Variants in PTPRD observed in about 807,000 individuals in gnomAD.
PTPRD encodes the protein protein tyrosine phosphatase receptor type D.
In PTPRD, 34 loss-of-function variants were observed where a neutral mutation model predicts 214.5. That is an observed-to-expected ratio of 0.16 (90% CI 0.12 to 0.21). The LOEUF is 0.21. PTPRD is among the 10% of genes least tolerant of loss of function. The pLI, the probability that PTPRD is intolerant of heterozygous loss-of-function variation, is 1.00. For synonymous variants in PTPRD, 1,128 were observed against 845.7 expected (o/e 1.33, Z -5.79); for missense variants, 2,545 against 2,398.7 (o/e 1.06, Z -1.27).
intron 3 of PTPRD, among the ~76,000 whole-genome samples, chr9:10,235,621 T>TG (rs2099626479): frequency 6.6e-6 from 1 of 152,022 alleles, no homozygotes; most frequent in African/African-American, 2.4e-5. Context: ...CCAGCTGGTC[T>TG]GGTAGTCAAC....
At chr9:9,696,210 T>C (rs1595460396) in intron 7 of PTPRD, among the ~76,000 whole-genome samples, 2 of 152,190 alleles carry the variant, frequency 1.3e-5, no homozygotes, top group Non-Finnish European at 2.9e-5. Context: ...AAGAATAATT[T>C]TGTAGCCTAA....
intron 32 of PTPRD, among the ~76,000 whole-genome samples, chr9:8,463,401 T>C (rs1466803800): frequency 6.6e-6 from 1 of 151,742 alleles, no homozygotes; most frequent in Non-Finnish European, 1.5e-5. Context: ...GAAACATGAT[T>C]TTTTATATAA....
intron 11 of PTPRD, among the ~76,000 whole-genome samples, chr9:8,927,323 T>C (rs1433749322): frequency 6.6e-6 from 1 of 152,098 alleles, no homozygotes; most frequent in Non-Finnish European, 1.5e-5. Context: ...GCTGCACCCA[T>C]CAACCCATCA....
At chr9:9,136,383 T>A (rs1435606081) in intron 10 of PTPRD, among the ~76,000 whole-genome samples, 1 of 152,142 alleles carries the variant, frequency 6.6e-6, no homozygotes, top group Non-Finnish European at 1.5e-5. Context: ...ATGTTAATTT[T>A]TAAAAGCTGT....
At chr9:10,593,186 C>A (rs1418308952) in intron 2 of PTPRD, among the ~76,000 whole-genome samples, 1 of 151,958 alleles carries the variant, frequency 6.6e-6, no homozygotes, top group Admixed American at 6.6e-5. Context: ...AGCAGTGCCT[C>A]TTAAACCATA....
At chr9:9,628,333 C>T (rs1202079967) in intron 7 of PTPRD, among the ~76,000 whole-genome samples, 1 of 152,174 alleles carries the variant, frequency 6.6e-6, no homozygotes, top group East Asian at 1.9e-4. Context: ...CTACCAGCAG[C>T]TCAAAATCAG....
At chr9:9,437,788 C>T (rs953367047) in intron 8 of PTPRD, among the ~76,000 whole-genome samples, 1 of 152,078 alleles carries the variant, frequency 6.6e-6, no homozygotes, top group Non-Finnish European at 1.5e-5. Context: ...ACAGTTAACC[C>T]GAGGGGATAT....
At chr9:9,782,156 T>G (rs1339358192) in intron 5 of PTPRD, among the ~76,000 whole-genome samples, 1 of 152,134 alleles carries the variant, frequency 6.6e-6, no homozygotes, top group Non-Finnish European at 1.5e-5. Flanking sequence ...GCTTGGTTTC[T>G]TTTTCCAGAA....
chr9:10,087,708 C>T (rs2098369432), intron 3 of PTPRD, among the ~76,000 whole-genome samples: 1 of 151,668 alleles, frequency 6.6e-6, no homozygotes, highest in African/African-American at 2.4e-5. Flanking sequence ...TGTTTTATAA[C>T]TGAATATACT....
chr9:10,041,077 A>G (rs1231686512), intron 3 of PTPRD, among the ~76,000 whole-genome samples: 1 of 152,098 alleles, frequency 6.6e-6, no homozygotes, highest in Non-Finnish European at 1.5e-5. Flanking sequence ...ATAATTTTTC[A>G]TAAAAGCATA....
chr9:9,843,392 T>C (rs1205899653), intron 5 of PTPRD, among the ~76,000 whole-genome samples: 1 of 151,966 alleles, frequency 6.6e-6, no homozygotes, highest in Non-Finnish European at 1.5e-5. Flanking sequence ...TTTCTGTCTG[T>C]TTCTCAAATT....
intron 10 of PTPRD, among the ~76,000 whole-genome samples, chr9:9,080,072 G>C (rs1282568725): frequency 6.6e-6 from 1 of 151,906 alleles, no homozygotes; most frequent in Admixed American, 6.6e-5. Flanking sequence ...ATCTAATTTA[G>C]TCAAATCATA....
intron 5 of PTPRD, among the ~76,000 whole-genome samples, chr9:9,770,666 T>G (rs1438665957): frequency 6.6e-6 from 1 of 152,138 alleles, no homozygotes; most frequent in Admixed American, 6.5e-5. Context: ...TAATATTGAT[T>G]TAGTGATGCT....
At chr9:9,386,294 G>C (rs960020249) in intron 9 of PTPRD, among the ~76,000 whole-genome samples, 2 of 152,068 alleles carry the variant, frequency 1.3e-5, no homozygotes, top group African/African-American at 4.8e-5. Flanking sequence ...CATCACCTAG[G>C]GTTGCTGACC....
intron 3 of PTPRD, among the ~76,000 whole-genome samples, chr9:10,049,281 T>C (rs1305984305): frequency 1.3e-5 from 2 of 152,066 alleles, no homozygotes; most frequent in Non-Finnish European, 2.9e-5. Flanking sequence ...ATCATTATTT[T>C]CCTGCTTCTT....
At chr9:9,323,160 T>C (rs964391297) in intron 9 of PTPRD, among the ~76,000 whole-genome samples, 1 of 152,118 alleles carries the variant, frequency 6.6e-6, no homozygotes, top group Admixed American at 6.6e-5. Flanking sequence ...TAGAGCAAGA[T>C]TTGAATAAGA....
intron 3 of PTPRD, among the ~76,000 whole-genome samples, chr9:10,184,719 T>C (rs1329834266): frequency 6.6e-6 from 1 of 152,190 alleles, no homozygotes; most frequent in Non-Finnish European, 1.5e-5. Context: ...TTCTGGTTTA[T>C]AAAATAATTA....
At chr9:10,465,528 T>G (rs1243401997) in intron 2 of PTPRD, among the ~76,000 whole-genome samples, 1 of 152,170 alleles carries the variant, frequency 6.6e-6, no homozygotes, top group Non-Finnish European at 1.5e-5. Flanking sequence ...TATACAACGG[T>G]GGTCTCATAA....
At chr9:10,550,846 C>T (rs747424803) in intron 2 of PTPRD, among the ~76,000 whole-genome samples, 52 of 152,208 alleles carry the variant, frequency 3.4e-4, no homozygotes, top group Non-Finnish European at 5.0e-4. Flanking sequence ...TTCTCCACCT[C>T]TACCTCTCTT....
Sources: allele counts gnomAD v4.1 joint callset (sites outside exome capture counted in the v4.1 genomes callset), GRCh38; gene constraint gnomAD v4.1.1; transcripts MANE v1.5; gene names NCBI Gene and HGNC (gene_info 2026-07-23, HGNC 2026-07-21).